Variants in TXNRD1 observed in about 807,000 individuals in gnomAD.
The protein encoded by TXNRD1 is thioredoxin reductase 1.
In TXNRD1, 57 loss-of-function variants were observed where a neutral mutation model predicts 80.3. The ratio of observed to expected loss-of-function variants is 0.71; its 90% CI spans 0.57 to 0.89. TXNRD1 has a LOEUF of 0.89. TXNRD1 is among the 40% of genes least tolerant of loss of function. The probability of loss-of-function intolerance (pLI) is 0.00; values close to 1 mark genes in which losing one functional copy is unlikely to be tolerated. For missense variants in TXNRD1, 730 were observed against 803.0 expected, an observed-to-expected ratio of 0.91 and a Z score of 1.10; for synonymous variants, 291 against 285.2, an observed-to-expected ratio of 1.02 and a Z score of -0.20.
intron 4 of TXNRD1, among the ~76,000 whole-genome samples, chr12:104,303,403 C>A (rs768716786): frequency 1.3e-5 from 2 of 152,234 alleles, no homozygotes; most frequent in Non-Finnish European, 1.5e-5. Flanking sequence ...TCACAAAAAA[C>A]CAAAACCAGG....
intron 4 of TXNRD1, among the ~76,000 whole-genome samples, chr12:104,290,466 C>A (rs1414991650): frequency 6.6e-6 from 1 of 151,612 alleles, no homozygotes; most frequent in African/African-American, 2.4e-5. Context: ...CCGAGGCAGG[C>A]GGATTGCTTT....
At chr12:104,235,657 C>T (rs914165197) in intron 1 of TXNRD1, among the ~76,000 whole-genome samples, 2 of 152,150 alleles carry the variant, frequency 1.3e-5, no homozygotes, top group African/African-American at 4.8e-5. Flanking sequence ...AAGCTGTAGA[C>T]AATCTGGTGT....
chr12:104,338,918 G>A (rs1373640267), intron 15 of TXNRD1, among the ~76,000 whole-genome samples: 3 of 151,892 alleles, frequency 2.0e-5, no homozygotes, highest in Non-Finnish European at 2.9e-5. Context: ...GGGTTTCACC[G>A]TGTTAACCAG....
At chr12:104,230,603 T>C (rs1173190121) in intron 1 of TXNRD1, among the ~76,000 whole-genome samples, 1 of 152,222 alleles carries the variant, frequency 6.6e-6, no homozygotes, top group Admixed American at 6.5e-5. Context: ...GCTTACTGTT[T>C]ATCTTCTTTG....
chr12:104,327,436 C>T, intron 12 of TXNRD1, 79 bp from the exon 13 acceptor site: 3 of 1,447,036 alleles, frequency 2.1e-6, no homozygotes, highest in South Asian at 1.4e-5. Context: ...TTTTGGGCTT[C>T]CCTGAAAAAA....
At chr12:104,255,415 A>G (rs1338188870) in intron 2 of TXNRD1, among the ~76,000 whole-genome samples, 2 of 152,060 alleles carry the variant, frequency 1.3e-5, no homozygotes, top group Non-Finnish European at 2.9e-5. Flanking sequence ...CCTTGCCTAT[A>G]TTTCCCCCAG....
chr12:104,319,465 T>C lies in TXNRD1; in HGVS notation c.874-5T>C, dbSNP rs1044416855. 1 of 1,550,930 alleles carries C rather than the reference T, an allele frequency of 6.4e-7. No homozygotes were observed. Among genetic ancestry groups the C allele is most frequent in the Non-Finnish European group, 8.8e-7 (1 of 1,140,384 alleles). On this transcript the variant is annotated splice_region_variant and splice_polypyrimidine_tract_variant and intron_variant, in intron 8 of 16. Coordinates refer to ENST00000525566, the MANE Select transcript of TXNRD1 (RefSeq NM_001093771.3). The stretch of plus-strand genomic sequence containing the variant: ...AATAAGGTTTTCATATTGGTTCCTT[T>C]GTAGGCAACAAATAATAAAGGCAAA...
intron 2 of TXNRD1, among the ~76,000 whole-genome samples, chr12:104,253,786 T>A (rs1359490384): frequency 6.6e-6 from 1 of 151,308 alleles, no homozygotes; most frequent in Non-Finnish European, 1.5e-5. Flanking sequence ...CTCCGCCTCC[T>A]GGTTCAAGTG....
intron 3 of TXNRD1, among the ~76,000 whole-genome samples, chr12:104,266,699 C>T (rs1162815077): frequency 1.3e-5 from 2 of 151,510 alleles, no homozygotes; most frequent in African/African-American, 2.4e-5. Context: ...CGCGGTGGCT[C>T]ACGCCTGTAC....
At chr12:104,277,424 G>A (rs2033779895) in intron 3 of TXNRD1, among the ~76,000 whole-genome samples, 1 of 151,138 alleles carries the variant, frequency 6.6e-6, no homozygotes, top group Non-Finnish European at 1.5e-5. Flanking sequence ...AATTAGTCAG[G>A]CACGGTAGTG....
intron 12 of TXNRD1, among the ~76,000 whole-genome samples, chr12:104,326,840 A>C (rs967728792): frequency 6.7e-6 from 1 of 150,166 alleles, no homozygotes; most frequent in Admixed American, 6.6e-5. Flanking sequence ...TTTTGTTGGT[A>C]TGTTTGTTTT....
rs1267495278 is a variant in TXNRD1, at chr12:104,221,012, A to T, written c.91+5119A>T. 2.6e-5 allele frequency among the ~76,000 whole-genome samples: 4 copies of T among 152,180 alleles called. No individual in the cohort carries two copies. In the East Asian group the frequency reaches 7.7e-4, roughly 29 times the overall value. On this transcript the variant is annotated intron_variant, in intron 1 of 16. Coordinates refer to ENST00000525566, the MANE Select transcript of TXNRD1 (RefSeq NM_001093771.3). The stretch of plus-strand genomic sequence containing the variant: ...GCTGGTTGTGGTGGCTCATGCCTGT[A>T]TTCCTGGCACTTTGGGAGGCCCAGC...
intron 16 of TXNRD1, among the ~76,000 whole-genome samples, chr12:104,345,047 A>G (rs61937916): frequency 0.034 from 5,228 of 152,346 alleles, 125 homozygotes; most frequent in Non-Finnish European, 0.054. Context: ...AATGCGGTTC[A>G]GAAGTGGTCC....
chr12:104,270,651 T>C (rs1024250983), intron 3 of TXNRD1, among the ~76,000 whole-genome samples: 1 of 152,172 alleles, frequency 6.6e-6, no homozygotes. Context: ...AACACCTTAA[T>C]ATGGCCATTA....
intron 16 of TXNRD1, among the ~76,000 whole-genome samples, chr12:104,347,551 C>G (rs1396316228): frequency 6.6e-6 from 1 of 152,078 alleles, no homozygotes; most frequent in African/African-American, 2.4e-5. Flanking sequence ...TCTAGTCAAG[C>G]CAAAGTTTCA....
At chr12:104,318,396 C>T (rs1176534370) in intron 7 of TXNRD1, among the ~76,000 whole-genome samples, 1 of 152,128 alleles carries the variant, frequency 6.6e-6, no homozygotes, top group Non-Finnish European at 1.5e-5. Flanking sequence ...CTTAACTCTG[C>T]TTATGTAGTG....
At chr12:104,287,124 G>T in intron 3 of TXNRD1, 2 of 1,496,416 alleles carry the variant, frequency 1.3e-6, no homozygotes, top group Non-Finnish European at 1.8e-6. Flanking sequence ...GCTCTGCGTC[G>T]GGTGAAACCA....
At chr12:104,324,438 G>A (rs369569193) in intron 10 of TXNRD1, among the ~76,000 whole-genome samples, 5 of 144,606 alleles carry the variant, frequency 3.5e-5, no homozygotes, top group Non-Finnish European at 6.0e-5. Flanking sequence ...TGCAAGCTCC[G>A]CCTCCCGGGT....
At chr12:104,267,721 C>CTTTCTCTCTTTCTTTCTTTCTTTCTTTT (rs1555209319) in intron 3 of TXNRD1, among the ~76,000 whole-genome samples, 2 of 84,700 alleles carry the variant, frequency 2.4e-5, no homozygotes, top group Non-Finnish European at 5.7e-5. Flanking sequence ...TTCTTTCTTT[C>CTTTCTCTCTTTCTTTCTTTCTTTCTTTT]TCTTTCTTTC....
Sources: allele counts gnomAD v4.1 joint callset (sites outside exome capture counted in the v4.1 genomes callset), GRCh38; gene constraint gnomAD v4.1.1; transcripts MANE v1.5; gene names NCBI Gene and HGNC (gene_info 2026-07-23, HGNC 2026-07-21).